The following SLC25A37 variants were observed in gnomAD, a reference collection of about 807,000 sequenced individuals.
SLC25A37 encodes the protein solute carrier family 25 member 37, also known as mitoferrin-1.
In SLC25A37, 17 loss-of-function variants were observed where a neutral mutation model predicts 31.0. The ratio of observed to expected loss-of-function variants is 0.55; its 90% confidence interval spans 0.38 to 0.82. The LOEUF is 0.82. Among genes scored for constraint, SLC25A37 ranks in the 40% least tolerant of loss-of-function variants. The probability of loss-of-function intolerance (pLI) is 0.00; values close to 1 mark genes in which losing one functional copy is unlikely to be tolerated. For missense variants in SLC25A37, 404 were observed against 465.8 expected (o/e 0.87, Z 1.22); for synonymous variants, 222 against 193.0 (o/e 1.15, Z -1.24).
chr8:23,572,924 G>GA lies in SLC25A37; in HGVS notation c.*1069_*1070insA, dbSNP rs1297812961. The GA allele has an allele frequency of 6.6e-6, 1 of 152,236 alleles. No homozygotes were observed. Among genetic ancestry groups the GA allele is most frequent in the African/African-American group, 2.4e-5 (1 of 41,438 alleles). The allele number at this position is 152,236 out of a possible 1,614,324, so 9.4% of individuals were successfully genotyped here. On this transcript the variant is annotated 3_prime_UTR_variant, in exon 4 of 4. Transcript: ENST00000519973. The stretch of plus-strand genomic sequence containing the variant: ...GCAGCATTTGGCGACTTGTGGGGCA[G>GA]GTGTTTGGGATAAATCCTACCTTCA...
At position 23,574,948 on chromosome 8, in the gene SLC25A37, C is replaced by G. The variant is rs1802947153; in HGVS notation, c.*3093C>G. 1 of 152,514 alleles carries G rather than the reference C, an allele frequency of 6.6e-6. No individual in the cohort carries two copies. Among genetic ancestry groups the G allele is most frequent in the Non-Finnish European group, 1.5e-5 (1 of 68,230 alleles). 9.4% of individuals were successfully genotyped at this position (152,514 alleles called of 1,614,324 possible). On this transcript the variant is annotated 3_prime_UTR_variant, in exon 4 of 4. Transcript: ENST00000519973. ...GTCCAAACCATGATTTGAGGTTCAA[C>G]TACCTGTAGATCAAAGCTTTATTTT...
intron 1 of SLC25A37, among the ~76,000 whole-genome samples, chr8:23,538,792 C>T (rs548027935): frequency 3.3e-5 from 5 of 152,164 alleles, no homozygotes; most frequent in Admixed American, 6.6e-5. Flanking sequence ...CCTGTCTTGA[C>T]GGACTTTCAG....
At chr8:23,547,025 A>G (rs749416132) in intron 1 of SLC25A37, among the ~76,000 whole-genome samples, 1 of 151,954 alleles carries the variant, frequency 6.6e-6, no homozygotes, top group East Asian at 1.9e-4. Flanking sequence ...TTGGATAAGA[A>G]CTCTTGTTTT....
intron 1 of SLC25A37, among the ~76,000 whole-genome samples, chr8:23,543,621 A>C (rs1037150631): frequency 1.3e-5 from 2 of 152,088 alleles, no homozygotes; most frequent in Non-Finnish European, 2.9e-5. Context: ...CTGTAATCCC[A>C]TCTCCTGGCT....
At chr8:23,542,314 C>T (rs1161727644) in intron 1 of SLC25A37, among the ~76,000 whole-genome samples, 1 of 151,276 alleles carries the variant, frequency 6.6e-6, no homozygotes, top group Non-Finnish European at 1.5e-5. Flanking sequence ...ATGAAAGACT[C>T]TGCTACTGGT....
At chr8:23,563,558 C>T (rs78745235) in intron 1 of SLC25A37, among the ~76,000 whole-genome samples, 7,203 of 152,258 alleles carry the variant, frequency 0.047, 199 homozygotes, top group South Asian at 0.059. Context: ...CTTTAAAAAA[C>T]GAAAGGATGC....
At chr8:23,548,696 C>T (rs933979597) in intron 1 of SLC25A37, among the ~76,000 whole-genome samples, 2 of 151,902 alleles carry the variant, frequency 1.3e-5, no homozygotes. Flanking sequence ...TCTCAAATTC[C>T]CGACCTCAGG....
At chr8:23,571,221 C>CT (rs1398926261) in intron 3 of SLC25A37, 114 bp from the exon 4 acceptor site, 44 of 1,300,422 alleles carry the variant, frequency 3.4e-5, no homozygotes, top group Non-Finnish European at 4.2e-5. Flanking sequence ...TTTCCGGTGT[C>CT]TAACTGGCTT....
intron 1 of SLC25A37, among the ~76,000 whole-genome samples, chr8:23,563,136 C>G (rs544703077): frequency 1.8e-4 from 28 of 152,292 alleles, no homozygotes; most frequent in Admixed American, 1.8e-3. Context: ...TTGGCACATT[C>G]ACTTTCTCGT....
rs556946915 is a variant in SLC25A37 at position 23,528,956 on chromosome 8, C to T, written c.-47C>T. The T allele has an allele frequency of 4.3e-6, 6 of 1,392,788 alleles. No individual in the cohort carries two copies. In the South Asian group the frequency reaches 7.6e-5, roughly 18 times the overall value. 86.3% of individuals were successfully genotyped at this position (1,392,788 alleles called of 1,614,324 possible). A position where few individuals can be genotyped will look rare whatever the true frequency, so the allele number is the denominator to read the frequency against. On this transcript the variant is annotated 5_prime_UTR_variant, in exon 1 of 4. Coordinates refer to ENST00000519973, the MANE Select transcript of SLC25A37 (RefSeq NM_016612.4). The stretch of plus-strand genomic sequence containing the variant: ...GAAGTGAAGTTTTGCGCCCCTCCCC[C>T]TCCCTGCCCACCTCCTGCAGCCTCC...
At chr8:23,570,522 A>G (rs1358408274) in intron 3 of SLC25A37, among the ~76,000 whole-genome samples, 1 of 152,222 alleles carries the variant, frequency 6.6e-6, no homozygotes, top group African/African-American at 2.4e-5. Flanking sequence ...GCTTCTTTTT[A>G]TGACAGTTCA....
rs3736032 is a variant in SLC25A37, at chr8:23,566,184, G to T, written c.287G>T (p.Arg96Leu). Reference protein sequence around the residue: ...SIYGALKKIMRTEGFWRPLRG... With the variant: ...SIYGALKKIMLTEGFWRPLRG... Reference sequence around the variant, plus strand: ...TACGGAGCCCTCAAGAAAATCATGCGGACCGAAGGCTTCTGGAGGCCCTTG... The same window carrying T: ...TACGGAGCCCTCAAGAAAATCATGCTGACCGAAGGCTTCTGGAGGCCCTTG... The change falls in exon 2 of 4, where the codon CGG (arginine) becomes CTG (leucine). Residue 96 changes from arginine (R) to leucine (L), a missense_variant. By Grantham distance (102) the Arg-to-Leu change is moderately radical (BLOSUM62 -2). Transcript: ENST00000519973. 3.1e-6 allele frequency: 5 copies of T among 1,605,416 alleles called. No homozygotes were observed. The highest frequency in any genetic ancestry group is 4.2e-6 in the Non-Finnish European group (5 of 1,177,002).
intron 1 of SLC25A37, among the ~76,000 whole-genome samples, chr8:23,536,990 G>A (rs1336419307): frequency 6.6e-6 from 1 of 152,174 alleles, no homozygotes; most frequent in Non-Finnish European, 1.5e-5. Flanking sequence ...GAGGCCAGGA[G>A]TTGGAGACCA....
At chr8:23,553,427 G>T (rs1802280256) in intron 1 of SLC25A37, among the ~76,000 whole-genome samples, 2 of 132,528 alleles carry the variant, frequency 1.5e-5, no homozygotes, top group African/African-American at 6.2e-5. Flanking sequence ...TCTCAAAAAA[G>T]AAAAAAACAA....
chr8:23,559,855 A>G (rs1432986507), intron 1 of SLC25A37, among the ~76,000 whole-genome samples: 1 of 152,200 alleles, frequency 6.6e-6, no homozygotes, highest in Non-Finnish European at 1.5e-5. Flanking sequence ...AGGCTGAATA[A>G]TATTCCACTG....
intron 1 of SLC25A37, among the ~76,000 whole-genome samples, chr8:23,560,771 C>A (rs1274345923): frequency 6.6e-6 from 1 of 152,194 alleles, no homozygotes. Flanking sequence ...AGAACTCAAT[C>A]TTTTAGAGGT....
rs182427336 is a variant in SLC25A37 at position 23,529,721 on chromosome 8, C to T, written c.210+509C>T. 1.2e-4 allele frequency among the ~76,000 whole-genome samples: 19 copies of T among 152,308 alleles called. No individual in the cohort carries two copies. The East Asian group carries it at 3.7e-3, about 30-fold the overall frequency. On this transcript the variant is annotated intron_variant, in intron 1 of 3. Coordinates refer to ENST00000519973, the MANE Select transcript of SLC25A37 (RefSeq NM_016612.4). The surrounding 1 kb of genome is among the most constrained non-coding windows in gnomAD (Gnocchi z 4.1). ...GACTTGGTGTGTGGCTGCTGCTCCC[C>T]GGGTTATTTCGGGAACTTGGGGCCG...
At position 23,573,406 on chromosome 8, in the gene SLC25A37, T is replaced by C. The variant is rs1477589029; in HGVS notation, c.*1551T>C. 5.8e-6 allele frequency: 1 copy of C among 172,052 alleles called. No homozygotes were observed. Among genetic ancestry groups the C allele is most frequent in the Non-Finnish European group, 1.3e-5 (1 of 79,042 alleles). The allele number at this position is 172,052 out of a possible 1,614,324, so 10.7% of individuals were successfully genotyped here. ...GGAATACCGACGAGACGAGCTGCACTGTCTCTGATTTGGAGCCCTCACCGG... is the reference window on the plus strand; with the variant it reads ...GGAATACCGACGAGACGAGCTGCACCGTCTCTGATTTGGAGCCCTCACCGG... On this transcript the variant is annotated 3_prime_UTR_variant, in exon 4 of 4. Coordinates refer to ENST00000519973, the MANE Select transcript of SLC25A37 (RefSeq NM_016612.4).
chr8:23,563,537 A>C (rs1341524455), intron 1 of SLC25A37, among the ~76,000 whole-genome samples: 2 of 152,208 alleles, frequency 1.3e-5, no homozygotes, highest in African/African-American at 4.8e-5. Context: ...AAAGACTTAA[A>C]ATTGAAATCA....
Sources: allele counts gnomAD v4.1 joint callset (sites outside exome capture counted in the v4.1 genomes callset), GRCh38; gene constraint gnomAD v4.1.1; non-coding constraint Gnocchi (gnomAD v3.1); transcripts MANE v1.5; gene names NCBI Gene and HGNC (gene_info 2026-07-23, HGNC 2026-07-21).